MAD1L1: variants seen among roughly 807,000 people sequenced by gnomAD.
MAD1L1 encodes mitotic spindle assembly checkpoint protein MAD1.
MAD1L1 carries 95 observed loss-of-function variants against 96.9 expected under a neutral mutation model. The ratio of observed to expected loss-of-function variants is 0.98; its 90% CI spans 0.83 to 1.16. The LOEUF is 1.16. Ranked by LOEUF, MAD1L1 falls within the 50% of genes most tolerant of loss-of-function variation. The pLI is 0.00. For synonymous variants in MAD1L1, 473 were observed against 396.6 expected (o/e 1.19, Z -2.29); for missense variants, 1,007 against 954.4 (o/e 1.06, Z -0.73).
At chr7:2,076,060 G>A (rs907740403) in intron 11 of MAD1L1, among the ~76,000 whole-genome samples, 4 of 152,236 alleles carry the variant, frequency 2.6e-5, no homozygotes, top group African/African-American at 4.8e-5. Context: ...GTGTGCTCCC[G>A]GGACCTGATC....
At chr7:1,863,223 G>A (rs867183274) in intron 18 of MAD1L1, among the ~76,000 whole-genome samples, 13 of 152,274 alleles carry the variant, frequency 8.5e-5, no homozygotes, top group East Asian at 1.9e-4. Context: ...CGGGGTTAGC[G>A]GAGCCCAGGG....
rs7800394 is a variant in MAD1L1, at chr7:2,221,089, G to A, written c.471+1486C>T. ...GGCTTCCCTGAGGAGCGGCCACCTC[G>A]GCTTAGACATGACAGGCCAAAGCAG... On this transcript the variant is annotated intron_variant, in intron 5 of 18. Coordinates refer to ENST00000265854, the MANE Select transcript of MAD1L1 (RefSeq NM_001013836.2). The A allele has an allele frequency of 5.0e-3, 7,652 of 1,517,510 alleles. 315 individuals carry two copies. In the African/African-American group the frequency reaches 0.09, roughly 18 times the overall value. 94.0% of individuals were successfully genotyped at this position (1,517,510 alleles called of 1,614,324 possible). A position where few individuals can be genotyped will look rare whatever the true frequency, so the allele number is the denominator to read the frequency against.
chr7:1,824,630 C>T (rs1397304408), intron 18 of MAD1L1, among the ~76,000 whole-genome samples: 3 of 152,152 alleles, frequency 2.0e-5, no homozygotes, highest in Non-Finnish European at 4.4e-5. Flanking sequence ...ACAGAGGCTC[C>T]CCCACCAGGA....
intron 18 of MAD1L1, among the ~76,000 whole-genome samples, chr7:1,855,441 G>A (rs1784200049): frequency 6.6e-6 from 1 of 152,136 alleles, no homozygotes; most frequent in African/African-American, 2.4e-5. Context: ...GACTATAACA[G>A]CGGGAGGAAA....
chr7:1,910,008 G>C (rs974661560), intron 17 of MAD1L1, among the ~76,000 whole-genome samples: 3 of 152,210 alleles, frequency 2.0e-5, no homozygotes, highest in Non-Finnish European at 4.4e-5. Context: ...ACTTACTCCA[G>C]CAAGCAGCTT....
chr7:2,067,066 GTGTGGGCCGA>G (rs1367734686), intron 12 of MAD1L1, among the ~76,000 whole-genome samples: 26 of 152,228 alleles, frequency 1.7e-4, no homozygotes, highest in Admixed American at 1.7e-3. Flanking sequence ...CGCCTGGCCG[GTGTGGGCCGA>G]TGTCACTCCC....
intron 6 of MAD1L1, among the ~76,000 whole-genome samples, chr7:2,218,254 C>T (rs1381022674): frequency 6.6e-6 from 1 of 152,126 alleles, no homozygotes; most frequent in Non-Finnish European, 1.5e-5. Context: ...CCCCTGTGGG[C>T]TGGCTCTCAG....
At position 2,114,935 on chromosome 7, in the gene MAD1L1, G is replaced by A. The variant is rs935823681; in HGVS notation, c.1073+34217C>T. Reference sequence around the variant, plus strand: ...GAAGCCCCGCCTTCCGGTGAGCACCGCTGCAGCAGCAGGGAACCTTCCGGA... The same window carrying A: ...GAAGCCCCGCCTTCCGGTGAGCACCACTGCAGCAGCAGGGAACCTTCCGGA... On this transcript the variant is annotated intron_variant, in intron 11 of 18. Transcript: ENST00000265854. The surrounding 1 kb of genome is among the most constrained non-coding windows in gnomAD (Gnocchi z 4.2). 2.6e-5 allele frequency among the ~76,000 whole-genome samples: 4 copies of A among 152,334 alleles called. No individual in the cohort carries two copies. Among genetic ancestry groups the A allele is most frequent in the Admixed American group, 6.5e-5 (1 of 15,308 alleles).
rs140083738 is a variant in MAD1L1 at position 1,844,789 on chromosome 7, C to A, written c.1999-28561G>T. ...CGATGCTCCTGCAGGGGTGGAGGGGCGCGTGGGTACAGTCAGCAGGGCTGT... is the reference window on the plus strand; with the variant it reads ...CGATGCTCCTGCAGGGGTGGAGGGGAGCGTGGGTACAGTCAGCAGGGCTGT... On this transcript the variant is annotated intron_variant, in intron 18 of 18. Transcript: ENST00000265854. Among the ~76,000 whole-genome samples the A allele has an allele frequency of 7.7e-3, 1,169 of 152,320 alleles. 14 individuals carry two copies. Among genetic ancestry groups the A allele is most frequent in the African/African-American group, 0.027 (1,102 of 41,562 alleles).
intron 9 of MAD1L1, among the ~76,000 whole-genome samples, chr7:2,215,172 G>A (rs567608725): frequency 1.3e-5 from 2 of 152,122 alleles, no homozygotes; most frequent in Non-Finnish European, 2.9e-5. Flanking sequence ...AGTTCCAAGA[G>A]ATCAAGACCA....
At chr7:2,192,579 A>T (rs906422157) in intron 10 of MAD1L1, among the ~76,000 whole-genome samples, 1 of 152,196 alleles carries the variant, frequency 6.6e-6, no homozygotes, top group Admixed American at 6.5e-5. Flanking sequence ...AGCAGCAAAG[A>T]TGAGAATGAA....
intron 17 of MAD1L1, among the ~76,000 whole-genome samples, chr7:1,915,136 AG>A (rs1788293086): frequency 6.6e-6 from 1 of 151,730 alleles, no homozygotes; most frequent in Non-Finnish European, 1.5e-5. Context: ...ATGTGTGGAG[AG>A]GTGCTGGGCG....
rs563413706 is a variant in MAD1L1, at chr7:2,007,293, T to C, written c.1360-5172A>G. ...AGCCGACAGTGCCACAGCGGAGCGT[T>C]CTCCCAGCTCTGGTGCCGACAGCCT... is the stretch of plus-strand genomic sequence containing the variant. On this transcript the variant is annotated intron_variant, in intron 13 of 18. Coordinates refer to ENST00000265854, the MANE Select transcript of MAD1L1 (RefSeq NM_001013836.2). Among the ~76,000 whole-genome samples the C allele has an allele frequency of 3.9e-5, 6 of 152,354 alleles. No individual in the cohort carries two copies. The East Asian group carries it at 1.2e-3, about 29-fold the overall frequency.
chr7:2,204,371 G>C (rs1049841108), intron 10 of MAD1L1, among the ~76,000 whole-genome samples: 2 of 152,162 alleles, frequency 1.3e-5, no homozygotes, highest in African/African-American at 2.4e-5. Context: ...AGTTTGACAA[G>C]AGCAGTGTCA....
At chr7:2,058,733 A>T (rs1177673294) in intron 12 of MAD1L1, among the ~76,000 whole-genome samples, 2 of 73,016 alleles carry the variant, frequency 2.7e-5, no homozygotes, top group Non-Finnish European at 2.7e-5. Flanking sequence ...AGGGCTGGAG[A>T]GGGAGTGTGG....
At chr7:1,965,818 C>T (rs2128477254) in intron 15 of MAD1L1, among the ~76,000 whole-genome samples, 1 of 152,400 alleles carries the variant, frequency 6.6e-6, no homozygotes, top group East Asian at 1.9e-4. Context: ...GGCCCAACCT[C>T]CATGACACCA....
In MAD1L1 at chr7:2,230,718, T is replaced by G. The variant is rs1794149526; in HGVS notation, c.-180A>C. On this transcript the variant is annotated 5_prime_UTR_variant, in exon 2 of 19. Transcript: ENST00000265854. ...CCTGGAGACCAAAGGCCGGCGAGCTTGGAGTGCTGCTGTTGAGGAGAGGAG... is the reference window on the plus strand; with the variant it reads ...CCTGGAGACCAAAGGCCGGCGAGCTGGGAGTGCTGCTGTTGAGGAGAGGAG... The G allele has an allele frequency of 6.5e-6, 1 of 153,986 alleles. No homozygotes were observed. 9.5% of individuals were successfully genotyped at this position (153,986 alleles called of 1,614,324 possible).
At chr7:2,026,108 C>T (rs1284217351) in intron 12 of MAD1L1, among the ~76,000 whole-genome samples, 1 of 151,986 alleles carries the variant, frequency 6.6e-6, no homozygotes, top group African/African-American at 2.4e-5. Flanking sequence ...TTTAACAATG[C>T]TCAAAATGAA....
chr7:1,858,284 A>G (rs900897099), intron 18 of MAD1L1, among the ~76,000 whole-genome samples: 1 of 152,186 alleles, frequency 6.6e-6, no homozygotes, highest in South Asian at 2.1e-4. Context: ...GAGTGGGGAC[A>G]TGGGCTGGCC....
Sources: allele counts gnomAD v4.1 joint callset (sites outside exome capture counted in the v4.1 genomes callset), GRCh38; gene constraint gnomAD v4.1.1; non-coding constraint Gnocchi (gnomAD v3.1); transcripts MANE v1.5; gene names NCBI Gene and HGNC (gene_info 2026-07-23, HGNC 2026-07-21).